CUL5: variants seen among roughly 807,000 people sequenced by gnomAD.
CUL5 encodes the protein cullin 5.
Under a neutral mutation model 108.8 loss-of-function variants are expected in CUL5, and 26 were observed. The ratio of observed to expected loss-of-function variants is 0.24; its 90% CI spans 0.18 to 0.33. CUL5 has a LOEUF of 0.33. CUL5 is among the 10% of genes least tolerant of loss of function. The pLI is 1.00. For missense variants in CUL5, 524 were observed against 909.2 expected (o/e 0.58, Z 5.45); for synonymous variants, 334 against 298.0 (o/e 1.12, Z -1.25).
rs900533795 is a variant in CUL5, at chr11:108,107,430, G to C, written c.*3046G>C. ...CTCAAGCTGGTTTTTCTGTTCTCAT[G>C]TAAGTGACTGGGATGCTGTCTTATG... On this transcript the variant is annotated 3_prime_UTR_variant, in exon 19 of 19. Transcript: ENST00000393094. The C allele has an allele frequency of 1.3e-5, 2 of 152,588 alleles. No homozygotes were observed. The highest frequency in any genetic ancestry group is 2.9e-5 in the Non-Finnish European group (2 of 68,022). 9.5% of individuals were successfully genotyped at this position (152,588 alleles called of 1,614,324 possible). A position where few individuals can be genotyped will look rare whatever the true frequency, so the allele number is the denominator to read the frequency against.
intron 4 of CUL5, among the ~76,000 whole-genome samples, chr11:108,050,449 C>G (rs926068742): frequency 2.0e-5 from 3 of 151,988 alleles, no homozygotes; most frequent in African/African-American, 7.3e-5. Context: ...TCACTGCAAC[C>G]TCCGCCTCCT....
chr11:108,027,245 G>T (rs531955707), intron 1 of CUL5, among the ~76,000 whole-genome samples: 1 of 150,806 alleles, frequency 6.6e-6, no homozygotes, highest in Non-Finnish European at 1.5e-5. Flanking sequence ...TTAGTAGCTG[G>T]GATTATAGGC....
chr11:108,062,953 C>G (rs969949893), intron 7 of CUL5, among the ~76,000 whole-genome samples: 3 of 152,146 alleles, frequency 2.0e-5, no homozygotes, highest in Non-Finnish European at 4.4e-5. Flanking sequence ...TCAAGTGATT[C>G]TTCTGCCTCA....
intron 1 of CUL5, among the ~76,000 whole-genome samples, chr11:108,025,201 T>A (rs1013259227): frequency 6.6e-6 from 1 of 152,224 alleles, no homozygotes. Flanking sequence ...TTTGGTCATA[T>A]AGAATATGTA....
chr11:108,049,127 C>T (rs1863147802), intron 3 of CUL5, among the ~76,000 whole-genome samples: 1 of 152,142 alleles, frequency 6.6e-6, no homozygotes, highest in African/African-American at 2.4e-5. Flanking sequence ...AAATCCTATA[C>T]CTATGAACAG....
At chr11:108,016,943 A>T (rs535590033) in intron 1 of CUL5, among the ~76,000 whole-genome samples, 1 of 152,340 alleles carries the variant, frequency 6.6e-6, no homozygotes, top group Non-Finnish European at 1.5e-5. Flanking sequence ...TGGGCAGCAT[A>T]GCAAGACCTA....
intron 10 of CUL5, 104 bp downstream of exon 10, chr11:108,073,601 A>C (rs866075401): frequency 2.1e-6 from 1 of 485,736 alleles, no homozygotes; most frequent in South Asian, 6.5e-5. Context: ...ATAAACTTAA[A>C]AACCTAGCAA....
In CUL5 at chr11:108,043,984, T is replaced by C. The variant is rs1863001942; in HGVS notation, c.135-2286T>C. Reference sequence around the variant, plus strand: ...GTTGCAGTGAGCCAAGGTGGCGCCATTGCACTTCAGCCTGGGCAACAAGAG... The same window carrying C: ...GTTGCAGTGAGCCAAGGTGGCGCCACTGCACTTCAGCCTGGGCAACAAGAG... On this transcript the variant is annotated intron_variant, in intron 2 of 18. Transcript: ENST00000393094. Among the ~76,000 whole-genome samples the C allele has an allele frequency of 3.3e-5, 5 of 152,188 alleles. No individual in the cohort carries two copies. The South Asian group carries it at 1.0e-3, about 32-fold the overall frequency.
intron 16 of CUL5, 130 bp from the exon 17 acceptor site, chr11:108,097,506 A>T (rs545789904): frequency 1.7e-6 from 1 of 588,866 alleles, no homozygotes; most frequent in African/African-American, 1.8e-5. Flanking sequence ...TGTTATATTC[A>T]TGGAAGTACC....
chr11:108,051,467 C>G (rs369166834), intron 4 of CUL5, among the ~76,000 whole-genome samples: 9 of 152,288 alleles, frequency 5.9e-5, no homozygotes, highest in South Asian at 2.1e-4. Flanking sequence ...GTACCTATAT[C>G]AAGATTATGA....
intron 10 of CUL5, 52 bp from the exon 11 acceptor site, chr11:108,078,124 A>G: frequency 9.5e-7 from 1 of 1,049,474 alleles, no homozygotes; most frequent in East Asian, 2.8e-5. Flanking sequence ...ATAAAAATTT[A>G]TCTGTATATT....
chr11:108,013,296 T>C (rs1376376997), intron 1 of CUL5, among the ~76,000 whole-genome samples: 1 of 152,228 alleles, frequency 6.6e-6, no homozygotes, highest in Non-Finnish European at 1.5e-5. Flanking sequence ...TTTGTATATT[T>C]TTTTCTGGGA....
At chr11:108,036,112 A>G (rs1862736700) in intron 2 of CUL5, among the ~76,000 whole-genome samples, 1 of 152,236 alleles carries the variant, frequency 6.6e-6, no homozygotes, top group Non-Finnish European at 1.5e-5. Context: ...TAATTTCACA[A>G]GAATTCAATA....
intron 7 of CUL5, among the ~76,000 whole-genome samples, chr11:108,067,816 A>G (rs1365808904): frequency 6.6e-6 from 1 of 152,188 alleles, no homozygotes; most frequent in Non-Finnish European, 1.5e-5. Context: ...AGTTGGGCCT[A>G]TTCCAGTGAT....
rs1468469162 is a variant in CUL5, at chr11:108,054,887, T to C, written c.712T>C (p.Leu238=). 6.2e-7 allele frequency: 1 copy of C among 1,608,412 alleles called. No individual in the cohort carries two copies. Among genetic ancestry groups the C allele is most frequent in the African/African-American group, 1.3e-5 (1 of 74,668 alleles). ...QNYMKYADAK[L]KEEEKRALRY... The stretch of plus-strand genomic sequence containing the variant: ...TGCTTCTGGACAGGCAGATGCTAAA[T>C]TAAAAGAAGAAGAAAAACGAGCACT... Residue 238 remains leucine (L), a synonymous_variant, in exon 7 of 19, where the codon TTA becomes CTA. Transcript: ENST00000393094.
At chr11:108,053,740 C>T (rs188516246) in intron 5 of CUL5, among the ~76,000 whole-genome samples, 40 of 149,284 alleles carry the variant, frequency 2.7e-4, no homozygotes, top group Admixed American at 9.4e-4. Flanking sequence ...AGTGCAGTGG[C>T]GTGATCATGG....
chr11:108,103,712 T>A (rs1370028836), intron 18 of CUL5, among the ~76,000 whole-genome samples: 1 of 152,196 alleles, frequency 6.6e-6, no homozygotes, highest in Non-Finnish European at 1.5e-5. Flanking sequence ...AAAAAGGAAT[T>A]GAAGGAAATA....
chr11:108,094,577 T>G (rs958082004), intron 14 of CUL5, 63 bp downstream of exon 14: 1 of 1,053,970 alleles, frequency 9.5e-7, no homozygotes, highest in African/African-American at 1.6e-5. Flanking sequence ...TGTTTTCCAG[T>G]AAATTAAAAA....
At position 108,107,011 on chromosome 11, in the gene CUL5, G is replaced by A. The variant is rs1240302527; in HGVS notation, c.*2627G>A. 1 of 149,372 alleles carries A rather than the reference G, an allele frequency of 6.7e-6. No homozygotes were observed. Among genetic ancestry groups the A allele is most frequent in the East Asian group, 2.0e-4 (1 of 5,118 alleles). 9.3% of individuals were successfully genotyped at this position (149,372 alleles called of 1,614,324 possible). A position where few individuals can be genotyped will look rare whatever the true frequency, so the allele number is the denominator to read the frequency against. On this transcript the variant is annotated 3_prime_UTR_variant, in exon 19 of 19. Coordinates refer to ENST00000393094, the MANE Select transcript of CUL5 (RefSeq NM_003478.6). Reference sequence around the variant, plus strand: ...CCGGAGTAAGTAGACATAAGACAGAGTTTAAGAAGTAAAAATATAGAAAAA... The same window carrying A: ...CCGGAGTAAGTAGACATAAGACAGAATTTAAGAAGTAAAAATATAGAAAAA...
Sources: gnomAD v4.1 joint callset for allele counts (sites outside exome capture counted in the v4.1 genomes callset) on GRCh38, gnomAD v4.1.1 for gene constraint, MANE v1.5 for transcripts, NCBI Gene and HGNC (gene_info 2026-07-23, HGNC 2026-07-21) for gene names.